SLC25A53: variants seen among roughly 807,000 people sequenced by gnomAD.
SLC25A53 encodes solute carrier family 25 member 53.
SLC25A53 carries 5 observed loss-of-function variants against 15.0 expected under a neutral mutation model. The observed-to-expected ratio is 0.33, with a 90% CI of 0.17 to 0.70. SLC25A53 has a LOEUF of 0.70. SLC25A53 is among the 30% of genes least tolerant of loss of function. SLC25A53 has a pLI of 0.67. For synonymous variants in SLC25A53, 95 were observed against 100.0 expected, an observed-to-expected ratio of 0.95 and a Z score of 0.30; for missense variants, 216 against 241.6, an observed-to-expected ratio of 0.89 and a Z score of 0.70.
At chrX:104,134,544 G>A (rs1556366075) in intron 1 of SLC25A53, among the ~76,000 whole-genome samples, 1 of 111,619 alleles carries the variant, frequency 9.0e-6, no homozygotes. Context: ...TACTAGTTCT[G>A]TTCAGCATAT....
intron 1 of SLC25A53, among the ~76,000 whole-genome samples, chrX:104,143,595 G>C: frequency 8.9e-6 from 1 of 111,794 alleles, no homozygotes; most frequent in Non-Finnish European, 1.9e-5. Context: ...AAGAAATATG[G>C]GACTATGTGA....
chrX:104,132,151 T>C (rs1260683101), intron 1 of SLC25A53, among the ~76,000 whole-genome samples: 4 of 112,612 alleles, frequency 3.6e-5, no homozygotes, highest in South Asian at 3.6e-4. Context: ...GTAAACCATA[T>C]AGAAATTAAC....
At chrX:104,127,364 T>C (rs1166417910) in intron 1 of SLC25A53, among the ~76,000 whole-genome samples, 1 of 111,738 alleles carries the variant, frequency 8.9e-6, no homozygotes, top group Non-Finnish European at 1.9e-5. Context: ...GGTATGATTA[T>C]GAAGGGGAAG....
intron 1 of SLC25A53, among the ~76,000 whole-genome samples, chrX:104,133,463 A>C (rs1332217506): frequency 1.8e-5 from 2 of 111,141 alleles, no homozygotes; most frequent in Non-Finnish European, 3.8e-5. Flanking sequence ...TGGGAGTGGC[A>C]AGCCTGGCCA....
chrX:104,110,839 C>G (rs1351142709), intron 1 of SLC25A53, among the ~76,000 whole-genome samples: 2 of 112,342 alleles, frequency 1.8e-5, no homozygotes, highest in African/African-American at 6.5e-5. Context: ...ATGAAAGAGC[C>G]ATATCAGCAA....
chrX:104,155,974 C>G (rs1308328896), intron 1 of SLC25A53, among the ~76,000 whole-genome samples: 2 of 107,015 alleles, frequency 1.9e-5, no homozygotes, highest in African/African-American at 6.9e-5. Context: ...ATCACTTGAA[C>G]CCGGCAGACG....
At position 104,114,029 on chromosome X, in the gene SLC25A53, T is replaced by C. The variant is rs2075362774; in HGVS notation, c.-31-8741A>G. ...ATAAGGCAGGCACAGCCCAGGAACG[T>C]TGCTTTGGAGAATCCTGCAGATAAG... On this transcript the variant is annotated intron_variant, in intron 1 of 1. Coordinates refer to ENST00000594199, the MANE Select transcript of SLC25A53 (RefSeq NM_001012755.5). The C allele has an allele frequency of 1.5e-5, 18 of 1,189,509 alleles. No individual in the cohort carries two copies. The South Asian group carries it at 3.4e-4, about 22-fold the overall frequency.
chrX:104,156,283 A>G (rs1302740544), intron 1 of SLC25A53, among the ~76,000 whole-genome samples: 2 of 110,730 alleles, frequency 1.8e-5, no homozygotes, highest in East Asian at 2.8e-4. Flanking sequence ...GTGGCACCCA[A>G]TAGATTTTCA....
In SLC25A53 at chrX:104,104,594, C is replaced by T; in HGVS notation, c.664G>A (p.Gly222Arg). The T allele has an allele frequency of 8.3e-7, 1 of 1,211,836 alleles. No homozygotes were observed. Among genetic ancestry groups the T allele is most frequent in the East Asian group, 3.0e-5 (1 of 33,830 alleles). Residue 222 changes from glycine (G) to arginine (R), a missense_variant, in exon 2 of 2, where the codon GGA becomes AGA. Transcript: ENST00000594199. Reference protein sequence around the residue: ...VPALVSGSVNGTITCLVLYPL... With the variant: ...VPALVSGSVNRTITCLVLYPL... ...TACAGAACTAGGCAGGTGATTGTTC[C>T]ATTGACACTACCAGACACCAAGGCA...
intron 1 of SLC25A53, chrX:104,115,060 G>T: frequency 2.5e-6 from 3 of 1,197,803 alleles, no homozygotes; most frequent in South Asian, 1.8e-5. Context: ...CAACAATTCT[G>T]GGGCTCAGTC....
chrX:104,141,329 C>T (rs143669435), intron 1 of SLC25A53, among the ~76,000 whole-genome samples: 10 of 111,274 alleles, frequency 9.0e-5, no homozygotes, highest in South Asian at 3.8e-4. Context: ...GCCTGGAAAA[C>T]AAAGCTGGGC....
intron 1 of SLC25A53, among the ~76,000 whole-genome samples, chrX:104,147,181 T>C (rs1244665172): frequency 9.0e-6 from 1 of 111,234 alleles, no homozygotes; most frequent in East Asian, 2.8e-4. Flanking sequence ...CTGGCAAACC[T>C]GAGAAAAACA....
At chrX:104,114,441 A>G in intron 1 of SLC25A53, 2 of 1,211,977 alleles carry the variant, frequency 1.7e-6, no homozygotes, top group Non-Finnish European at 1.1e-6. Flanking sequence ...ACCTAAGTGT[A>G]GCAGATTTCT....
At chrX:104,110,175 T>C (rs2075332618) in intron 1 of SLC25A53, among the ~76,000 whole-genome samples, 1 of 112,093 alleles carries the variant, frequency 8.9e-6, no homozygotes. Flanking sequence ...TGCAAATACC[T>C]AATTTGGTGA....
At chrX:104,147,041 C>G (rs782735016) in intron 1 of SLC25A53, among the ~76,000 whole-genome samples, 2 of 110,994 alleles carry the variant, frequency 1.8e-5, no homozygotes, top group South Asian at 3.8e-4. Context: ...CACACTACCT[C>G]ACTTCAAACT....
intron 1 of SLC25A53, among the ~76,000 whole-genome samples, chrX:104,149,848 C>T: frequency 9.0e-6 from 1 of 111,470 alleles, no homozygotes; most frequent in African/African-American, 3.3e-5. Context: ...CCATGTACTT[C>T]TCCTGCTTAA....
chrX:104,129,860 ATGTGTGTGTGTGTG>A (rs60729916), intron 1 of SLC25A53, among the ~76,000 whole-genome samples: 59 of 89,981 alleles, frequency 6.6e-4, no homozygotes, highest in South Asian at 1.3e-3. Flanking sequence ...ACACAAATGT[ATGTGTGTGTGTGTG>A]TGTGTGTGTG....
chrX:104,126,303 G>A (rs1304875837), intron 1 of SLC25A53, among the ~76,000 whole-genome samples: 2 of 110,092 alleles, frequency 1.8e-5, no homozygotes, highest in Non-Finnish European at 3.8e-5. Context: ...CACTTGTTAG[G>A]AGGAGATAGA....
chrX:104,138,051 A>C (rs1556366824), intron 1 of SLC25A53, among the ~76,000 whole-genome samples: 1 of 111,921 alleles, frequency 8.9e-6, no homozygotes, highest in African/African-American at 3.2e-5. Context: ...GACCACACTC[A>C]CACGGTTTTT....
Sources: allele counts gnomAD v4.1 joint callset (sites outside exome capture counted in the v4.1 genomes callset), GRCh38; gene constraint gnomAD v4.1.1; transcripts MANE v1.5; gene names NCBI Gene and HGNC (gene_info 2026-07-23, HGNC 2026-07-21).